Variants in ATXN1 observed in about 807,000 individuals in gnomAD.
ATXN1 encodes ataxin-1.
ATXN1 carries 8 observed loss-of-function variants against 56.4 expected under a neutral mutation model. The observed-to-expected ratio is 0.14, with a 90% CI of 0.08 to 0.26. ATXN1 has a LOEUF of 0.26. Among genes scored for constraint, ATXN1 ranks in the 10% least tolerant of loss-of-function variants. The pLI, the probability that ATXN1 is intolerant of heterozygous loss-of-function variation, is 1.00. For synonymous variants in ATXN1, 514 were observed against 494.6 expected, an observed-to-expected ratio of 1.04 and a Z score of -0.52; for missense variants, 987 against 1,106.5, an observed-to-expected ratio of 0.89 and a Z score of 1.53.
chr6:16,672,267 T>C (rs1424905213), intron 2 of ATXN1, among the ~76,000 whole-genome samples: 2 of 152,188 alleles, frequency 1.3e-5, no homozygotes, highest in African/African-American at 4.8e-5. Context: ...ATCCTCCAAA[T>C]GTTTTCTGTG....
At chr6:16,650,236 T>C (rs975020563) in intron 3 of ATXN1, among the ~76,000 whole-genome samples, 1 of 152,168 alleles carries the variant, frequency 6.6e-6, no homozygotes, top group African/African-American at 2.4e-5. Flanking sequence ...AAATATTATA[T>C]GGAGAGATGG....
At chr6:16,552,320 G>A (rs993177448) in intron 4 of ATXN1, among the ~76,000 whole-genome samples, 3 of 152,224 alleles carry the variant, frequency 2.0e-5, no homozygotes, top group African/African-American at 7.2e-5. Flanking sequence ...ATGAAGCCAT[G>A]TAGTGGGGAG....
intron 4 of ATXN1, among the ~76,000 whole-genome samples, chr6:16,531,895 T>C (rs1210227801): frequency 6.6e-6 from 1 of 152,228 alleles, no homozygotes; most frequent in Non-Finnish European, 1.5e-5. Flanking sequence ...TCAACATCAC[T>C]ACATTATATA....
intron 3 of ATXN1, chr6:16,614,937 T>C (rs1455810962): frequency 6.6e-6 from 1 of 150,820 alleles, no homozygotes; most frequent in Admixed American, 6.6e-5. Context: ...TAAAATAAAA[T>C]GAAATAAAAT....
intron 1 of ATXN1, among the ~76,000 whole-genome samples, chr6:16,759,984 G>A (rs1389714414): frequency 1.3e-5 from 2 of 151,816 alleles, no homozygotes; most frequent in African/African-American, 4.8e-5. Context: ...CCCGGCGCGC[G>A]CGCGCACAAA....
chr6:16,706,917 G>A (rs762892835), intron 2 of ATXN1, among the ~76,000 whole-genome samples: 4 of 151,942 alleles, frequency 2.6e-5, no homozygotes, highest in Non-Finnish European at 4.4e-5. Context: ...CCCGCTAGAC[G>A]AGCTTCTACA....
At chr6:16,347,200 G>A (rs967080623) in intron 6 of ATXN1, among the ~76,000 whole-genome samples, 13 of 152,208 alleles carry the variant, frequency 8.5e-5, no homozygotes, top group Admixed American at 2.0e-4. Flanking sequence ...CAGTCCCATC[G>A]ACCACCCAAG....
chr6:16,441,466 G>A (rs1228277392), intron 6 of ATXN1, among the ~76,000 whole-genome samples: 1 of 152,002 alleles, frequency 6.6e-6, no homozygotes, highest in Non-Finnish European at 1.5e-5. Flanking sequence ...TAGGATTGTG[G>A]TCAAATACAG....
rs896770485 is a variant in ATXN1, at chr6:16,645,340, T to C, written c.-489+12436A>G. The stretch of plus-strand genomic sequence containing the variant: ...AGATGGCCAGCTGCCAGCAGCATCA[T>C]TTAGAAGAATTCTGGTCCTGAGGAC... On this transcript the variant is annotated intron_variant, in intron 3 of 7. Transcript: ENST00000436367. Among the ~76,000 whole-genome samples the C allele has an allele frequency of 2.6e-5, 4 of 152,336 alleles. No homozygotes were observed. In the South Asian group the frequency reaches 6.2e-4, roughly 24 times the overall value.
intron 6 of ATXN1, among the ~76,000 whole-genome samples, chr6:16,475,841 A>C (rs1358105734): frequency 6.6e-6 from 1 of 151,242 alleles, no homozygotes; most frequent in African/African-American, 2.4e-5. Context: ...GACAGAGCCC[A>C]AGGTGTCCCT....
At chr6:16,491,964 G>A (rs367790687) in intron 5 of ATXN1, among the ~76,000 whole-genome samples, 12 of 152,186 alleles carry the variant, frequency 7.9e-5, no homozygotes, top group East Asian at 3.9e-4. Flanking sequence ...GCAATGGAAC[G>A]GGACCTTGGT....
intron 4 of ATXN1, among the ~76,000 whole-genome samples, chr6:16,576,704 C>T (rs1762428237): frequency 6.6e-6 from 1 of 152,202 alleles, no homozygotes; most frequent in African/African-American, 2.4e-5. Flanking sequence ...AGCAGAGGCA[C>T]ATATGTGTTG....
chr6:16,532,737 A>G (rs913999436), intron 4 of ATXN1, among the ~76,000 whole-genome samples: 1 of 152,200 alleles, frequency 6.6e-6, no homozygotes, highest in African/African-American at 2.4e-5. Flanking sequence ...AGAAAATAAC[A>G]AATGTTGGCA....
intron 3 of ATXN1, among the ~76,000 whole-genome samples, chr6:16,654,556 AAAAAAAAAAAGAGAG>A (rs1758149962): frequency 1.1e-5 from 1 of 92,578 alleles, no homozygotes; most frequent in Non-Finnish European, 2.1e-5. Context: ...AAAAAAAAAA[AAAAAAAAAAAGAGAG>A]AGAGAGAGAG....
intron 3 of ATXN1, among the ~76,000 whole-genome samples, chr6:16,637,193 G>T (rs1307981789): frequency 6.6e-6 from 1 of 152,162 alleles, no homozygotes; most frequent in African/African-American, 2.4e-5. Context: ...CATGTCCTTT[G>T]TTGGGACATG....
chr6:16,684,455 T>C (rs1018602116), intron 2 of ATXN1, among the ~76,000 whole-genome samples: 4 of 152,194 alleles, frequency 2.6e-5, no homozygotes, highest in Non-Finnish European at 2.9e-5. Context: ...AACCCTTGGC[T>C]AATTCCACAG....
chr6:16,693,666 T>C (rs1236260804), intron 2 of ATXN1, among the ~76,000 whole-genome samples: 4 of 152,194 alleles, frequency 2.6e-5, no homozygotes, highest in East Asian at 3.8e-4. Context: ...GAGAACATAA[T>C]TGATGCTCAT....
At chr6:16,319,975 T>C (rs1760609484) in intron 7 of ATXN1, among the ~76,000 whole-genome samples, 1 of 151,988 alleles carries the variant, frequency 6.6e-6, no homozygotes, top group African/African-American at 2.4e-5. Context: ...TACCAACAAC[T>C]GCGGCACAAA....
intron 2 of ATXN1, among the ~76,000 whole-genome samples, chr6:16,709,866 A>G (rs565236508): frequency 7.2e-5 from 11 of 152,304 alleles, no homozygotes; most frequent in Non-Finnish European, 1.3e-4. Flanking sequence ...ACACATAATT[A>G]TAACTGGTTC....
Sources: gnomAD v4.1 joint callset for allele counts (sites outside exome capture counted in the v4.1 genomes callset) on GRCh38, gnomAD v4.1.1 for gene constraint, MANE v1.5 for transcripts, NCBI Gene and HGNC (gene_info 2026-07-23, HGNC 2026-07-21) for gene names.